Variants in SLF2 observed in about 807,000 individuals in gnomAD.
The protein encoded by SLF2 is SMC5/6 complex localization factor 2, also known as SMC5-SMC6 complex localization factor protein 2.
SLF2 carries 68 observed loss-of-function variants against 124.3 expected under a neutral mutation model. The ratio of observed to expected loss-of-function variants is 0.55; its 90% CI spans 0.45 to 0.67. SLF2 has a LOEUF of 0.67. SLF2 is among the 30% of genes least tolerant of loss of function. The pLI, the probability that SLF2 is intolerant of heterozygous loss-of-function variation, is 0.00. For missense variants in SLF2, 1,246 were observed against 1,373.7 expected, an observed-to-expected ratio of 0.91 and a Z score of 1.47; for synonymous variants, 480 against 478.8, an observed-to-expected ratio of 1.00 and a Z score of -0.03.
rs186024334 is a variant in SLF2, at chr10:100,950,751, C to T, written c.3328C>T (p.Arg1110Trp). The T allele has an allele frequency of 8.1e-6, 13 of 1,612,926 alleles. No individual in the cohort carries two copies. The highest frequency in any genetic ancestry group is 1.7e-4 in the Middle Eastern group (1 of 6,054). ...SCSHSFSSGQ[R>W]KHFVLLCGAL... ...TTCTCATTCTTTTTCTTCTGGACAACGGGTAGGTAGTGTTTAGTGTTGTTG... is the reference window on the plus strand; with the variant it reads ...TTCTCATTCTTTTTCTTCTGGACAATGGGTAGGTAGTGTTTAGTGTTGTTG... Residue 1110 changes from arginine to tryptophan, a missense_variant and splice_region_variant, in exon 17 of 20, where the codon CGG (arginine) becomes TGG (tryptophan). Around this residue, in one of 3 missense-constraint regions of SLF2, gnomAD observed 535 missense variants for 632.8 expected, o/e 0.85. Coordinates refer to ENST00000238961, the MANE Select transcript of SLF2 (RefSeq NM_018121.4).
chr10:100,930,611 A>G (rs1564775139), intron 8 of SLF2, among the ~76,000 whole-genome samples: 1 of 152,182 alleles, frequency 6.6e-6, no homozygotes, highest in South Asian at 2.1e-4. Context: ...ACAGTGCCCA[A>G]ACTGATCTAA....
At chr10:100,951,373 GTGT>G (rs1850210748) in intron 17 of SLF2, among the ~76,000 whole-genome samples, 1 of 152,226 alleles carries the variant, frequency 6.6e-6, no homozygotes, top group Non-Finnish European at 1.5e-5. Flanking sequence ...AAATGGGCTG[GTGT>G]TGTGCTGGAC....
rs1366840598 is a variant in SLF2 at position 100,924,130 on chromosome 10, CAT to C, written c.1132_1133del (p.Ile378CysfsTer7). On this transcript the variant is annotated frameshift_variant, in exon 5 of 20. Transcript: ENST00000238961. LOFTEE classifies it high-confidence loss of function. ...ACATCAGAAAGAAAAATTTATAAAACATATTGCACTGAAGACACCTGGTGATG... is the reference window on the plus strand; with the variant it reads ...ACATCAGAAAGAAAAATTTATAAAACATTGCACTGAAGACACCTGGTGATG... ...GPHQKEKFIK[H>X]IALKTPGDVL... 2 of 1,612,824 alleles carry C rather than the reference CAT, an allele frequency of 1.2e-6. No homozygotes were observed. Among genetic ancestry groups the C allele is most frequent in the Non-Finnish European group, 1.7e-6 (2 of 1,179,712 alleles).
intron 17 of SLF2, among the ~76,000 whole-genome samples, chr10:100,954,763 C>T (rs1850292925): frequency 6.6e-6 from 1 of 152,012 alleles, no homozygotes; most frequent in Non-Finnish European, 1.5e-5. Context: ...GGCAACATAG[C>T]AAGATGCTGT....
At chr10:100,923,355 T>C (rs1849554657) in intron 4 of SLF2, among the ~76,000 whole-genome samples, 1 of 152,182 alleles carries the variant, frequency 6.6e-6, no homozygotes, top group Non-Finnish European at 1.5e-5. Context: ...CTGCAATCTT[T>C]GGCATTTCTT....
At chr10:100,921,189 T>G (rs1294822581) in intron 4 of SLF2, among the ~76,000 whole-genome samples, 1 of 152,204 alleles carries the variant, frequency 6.6e-6, no homozygotes, top group Admixed American at 6.5e-5. Flanking sequence ...CGTAACTGAT[T>G]AATAACCAAT....
chr10:100,950,228 T>G, intron 16 of SLF2, 21 bp downstream of exon 16: 2 of 1,607,736 alleles, frequency 1.2e-6, no homozygotes. Context: ...CTAGAAGGTC[T>G]CAAAGAGTAC....
intron 18 of SLF2, among the ~76,000 whole-genome samples, chr10:100,958,995 C>T (rs564621828): frequency 1.3e-5 from 2 of 152,108 alleles, no homozygotes; most frequent in South Asian, 2.1e-4. Flanking sequence ...GACAAATAAA[C>T]GTTTTTTTTA....
Position 100,937,478 on chromosome 10 carries a change from G to A in SLF2, c.2512+1G>A. ...TTGATGGAAATAACAATTAGAAATG[G>A]TAAGTATATCAACTTATTAAGATTT... On this transcript the variant is annotated splice_donor_variant, in intron 10 of 19. Transcript: ENST00000238961. LOFTEE classifies it high-confidence loss of function. The A allele has an allele frequency of 1.9e-6, 3 of 1,544,844 alleles. No homozygotes were observed. The highest frequency in any genetic ancestry group is 2.7e-6 in the Non-Finnish European group (3 of 1,117,258).
At chr10:100,939,310 G>A (rs993212596) in intron 11 of SLF2, among the ~76,000 whole-genome samples, 1 of 152,010 alleles carries the variant, frequency 6.6e-6, no homozygotes, top group African/African-American at 2.4e-5. Context: ...ACTTGAGGCC[G>A]GGAATTGGAA....
In SLF2 at chr10:100,931,081, A is replaced by G. The variant is rs1589951395; in HGVS notation, c.2436+3A>G. 2 of 1,607,134 alleles carry G rather than the reference A, an allele frequency of 1.2e-6. No individual in the cohort carries two copies. Among genetic ancestry groups the G allele is most frequent in the Non-Finnish European group, 1.7e-6 (2 of 1,174,382 alleles). The stretch of plus-strand genomic sequence containing the variant: ...CTGTGTTAAAGTGGCTGTTTCGGGT[A>G]AGAGGAATGTTTAGAGGGTTATAGT... On this transcript the variant is annotated splice_donor_region_variant and intron_variant, in intron 9 of 19. Coordinates refer to ENST00000238961, the MANE Select transcript of SLF2 (RefSeq NM_018121.4).
intron 17 of SLF2, 97 bp downstream of exon 17, chr10:100,950,850 C>T: frequency 4.3e-6 from 4 of 927,292 alleles, no homozygotes; most frequent in South Asian, 1.5e-5. Context: ...ACTATGTAAA[C>T]TTTTCTTAAT....
rs1255569395 is a variant in SLF2 at position 100,919,520 on chromosome 10, TATAAA to T, written c.973+1084_973+1088del. Among the ~76,000 whole-genome samples, 4 of 151,780 alleles carry T rather than the reference TATAAA, an allele frequency of 2.6e-5. No homozygotes were observed. The South Asian group carries it at 6.2e-4, about 24-fold the overall frequency. ...TTTAGCATTTATTGATTGAAAAAAA[TATAAA>T]ATAACAAATCTGTTAATTCAGTACA... is the stretch of plus-strand genomic sequence containing the variant. On this transcript the variant is annotated intron_variant, in intron 4 of 19. Transcript: ENST00000238961.
At chr10:100,949,968 G>A in intron 15 of SLF2, 108 bp from the exon 16 acceptor site, 1 of 1,080,618 alleles carries the variant, frequency 9.3e-7, no homozygotes, top group Non-Finnish European at 1.3e-6. Context: ...TGTAAAGAAA[G>A]CTATAATAAA....
intron 11 of SLF2, chr10:100,943,802 G>C (rs1029727189): frequency 2.5e-6 from 1 of 398,346 alleles, no homozygotes; most frequent in African/African-American, 2.1e-5. Flanking sequence ...CTTGGATTTG[G>C]CATAAAGAGA....
Position 100,963,001 on chromosome 10 carries a change from G to A in SLF2, c.*1089G>A, listed in dbSNP as rs894732183. 2.0e-5 allele frequency: 3 copies of A among 152,610 alleles called. No homozygotes were observed. The highest frequency in any genetic ancestry group is 3.2e-3 in the Middle Eastern group (1 of 316). The allele number at this position is 152,610 out of a possible 1,614,324, so 9.5% of individuals were successfully genotyped here. A position where few individuals can be genotyped will look rare whatever the true frequency, so the allele number is the denominator to read the frequency against. On this transcript the variant is annotated 3_prime_UTR_variant, in exon 20 of 20. Coordinates refer to ENST00000238961, the MANE Select transcript of SLF2 (RefSeq NM_018121.4). ...ACACGTTGTTTTTAGCCCAGGGGTA[G>A]TAACAAACTCTTACTAGCCAACTAG... is the stretch of plus-strand genomic sequence containing the variant.
intron 1 of SLF2, chr10:100,913,541 C>G (rs964971395): frequency 8.1e-7 from 1 of 1,242,076 alleles, no homozygotes; most frequent in African/African-American, 1.6e-5. Flanking sequence ...AAGAGTTTGA[C>G]CCGGGACCCT....
Position 100,958,704 on chromosome 10 carries a change from A to G in SLF2, c.3418-724A>G, listed in dbSNP as rs190530260. ...GGAGAAATTTGAACTGTAGATGAAGAAAAAAGCATAGATTGTAGTTTACTT... is the reference window on the plus strand; with the variant it reads ...GGAGAAATTTGAACTGTAGATGAAGGAAAAAGCATAGATTGTAGTTTACTT... On this transcript the variant is annotated intron_variant, in intron 18 of 19. Transcript: ENST00000238961. Among the ~76,000 whole-genome samples, 9 of 152,360 alleles carry G rather than the reference A, an allele frequency of 5.9e-5. No homozygotes were observed. The East Asian group carries it at 1.5e-3, about 26-fold the overall frequency.
intron 9 of SLF2, 80 bp downstream of exon 9, chr10:100,931,158 C>A: frequency 9.1e-7 from 1 of 1,100,310 alleles, no homozygotes; most frequent in Non-Finnish European, 1.3e-6. Flanking sequence ...ATTTTATTTG[C>A]ACATTACTGC....
Sources: gnomAD v4.1 joint callset for allele counts (sites outside exome capture counted in the v4.1 genomes callset) on GRCh38, gnomAD v4.1.1 for gene constraint, gnomAD v4.1.1 regional missense constraint, MANE v1.5 for transcripts, NCBI Gene and HGNC (gene_info 2026-07-23, HGNC 2026-07-21) for gene names.